DLGAP2: variants seen among roughly 807,000 people sequenced by gnomAD.
The protein encoded by DLGAP2 is DLG associated protein 2.
DLGAP2 carries 26 observed loss-of-function variants against 100.3 expected under a neutral mutation model. The ratio of observed to expected loss-of-function variants is 0.26; its 90% CI spans 0.19 to 0.36. DLGAP2 has a LOEUF of 0.36. DLGAP2 is among the 10% of genes least tolerant of loss of function. The pLI is 1.00. For synonymous variants in DLGAP2, 886 were observed against 630.1 expected, an observed-to-expected ratio of 1.41 and a Z score of -6.08; for missense variants, 1,858 against 1,453.2, an observed-to-expected ratio of 1.28 and a Z score of -4.53.
chr8:1,318,778 GCC>G (rs34614425), intron 3 of DLGAP2, among the ~76,000 whole-genome samples: 7 of 105,616 alleles, frequency 6.6e-5, no homozygotes, highest in South Asian at 6.4e-4. Flanking sequence ...TCAGTGATCA[GCC>G]CCCCCCCCGC....
intron 6 of DLGAP2, among the ~76,000 whole-genome samples, chr8:1,567,314 A>G (rs1425994985): frequency 3.3e-5 from 5 of 152,232 alleles, no homozygotes; most frequent in Non-Finnish European, 4.4e-5. Context: ...TCTGGGGAAA[A>G]GCACACACAT....
intron 6 of DLGAP2, among the ~76,000 whole-genome samples, chr8:1,601,982 T>G (rs1354154378): frequency 1.8e-5 from 1 of 57,002 alleles, no homozygotes; most frequent in Admixed American, 1.7e-4. Context: ...GTGTGTGTGA[T>G]CAGCCCGTGC....
intron 3 of DLGAP2, among the ~76,000 whole-genome samples, chr8:1,444,722 GTAGTAGGCA>G (rs1797933766): frequency 6.8e-6 from 1 of 147,172 alleles, no homozygotes; most frequent in South Asian, 2.2e-4. Context: ...GCTTACTCCT[GTAGTAGGCA>G]TAGTAGGCAT....
chr8:1,232,330 C>T (rs1046337148), intron 2 of DLGAP2, among the ~76,000 whole-genome samples: 1 of 152,220 alleles, frequency 6.6e-6, no homozygotes, highest in African/African-American at 2.4e-5. Context: ...TCCTCTGGCC[C>T]CACAGGCTGT....
intron 3 of DLGAP2, among the ~76,000 whole-genome samples, chr8:1,488,655 C>T (rs1420882617): frequency 6.6e-6 from 1 of 152,176 alleles, no homozygotes; most frequent in African/African-American, 2.4e-5. Flanking sequence ...ATTGAGGATG[C>T]AGGTTCTCAT....
At chr8:836,354 G>A (rs1004171083) in intron 1 of DLGAP2, among the ~76,000 whole-genome samples, 2 of 152,158 alleles carry the variant, frequency 1.3e-5, no homozygotes, top group East Asian at 1.9e-4. Flanking sequence ...CCTGCCTTGC[G>A]GGCGTCCGTG....
intron 14 of DLGAP2, among the ~76,000 whole-genome samples, chr8:1,699,850 A>G (rs1799518353): frequency 6.6e-6 from 1 of 152,222 alleles, no homozygotes; most frequent in African/African-American, 2.4e-5. Flanking sequence ...GAACCCCCAC[A>G]GGAAATACTG....
chr8:1,339,271 G>A (rs919229863), intron 3 of DLGAP2, among the ~76,000 whole-genome samples: 3 of 149,786 alleles, frequency 2.0e-5, no homozygotes, highest in Non-Finnish European at 3.0e-5. Flanking sequence ...GTCAGGACCC[G>A]GGAGGGAATG....
intron 12 of DLGAP2, among the ~76,000 whole-genome samples, chr8:1,687,088 A>C (rs546309975): frequency 6.6e-6 from 1 of 152,320 alleles, no homozygotes; most frequent in East Asian, 1.9e-4. Context: ...TCTGGGAGCC[A>C]TAGCTTAGGC....
At chr8:1,589,108 G>T (rs557781410) in intron 6 of DLGAP2, among the ~76,000 whole-genome samples, 1 of 152,148 alleles carries the variant, frequency 6.6e-6, no homozygotes, top group Non-Finnish European at 1.5e-5. Flanking sequence ...CCCAATGGTG[G>T]TTATCTCTGG....
intron 1 of DLGAP2, chr8:883,291 T>A (rs1797848683): frequency 6.6e-6 from 1 of 152,284 alleles, no homozygotes; most frequent in Non-Finnish European, 1.5e-5. Context: ...ACAGTCTCGC[T>A]GTGGGTGAGT....
chr8:1,520,984 T>A (rs1017749229), intron 4 of DLGAP2, among the ~76,000 whole-genome samples: 1 of 152,160 alleles, frequency 6.6e-6, no homozygotes, highest in African/African-American at 2.4e-5. Flanking sequence ...AATGAAAGAG[T>A]TCCTGAGGCT....
chr8:1,004,504 A>G (rs1250403605), intron 2 of DLGAP2, among the ~76,000 whole-genome samples: 1 of 152,180 alleles, frequency 6.6e-6, no homozygotes. Context: ...GGCCACAATC[A>G]GGGTTGGAAG....
chr8:1,699,154 T>C (rs1799498675), intron 14 of DLGAP2, among the ~76,000 whole-genome samples: 1 of 152,240 alleles, frequency 6.6e-6, no homozygotes, highest in Non-Finnish European at 1.5e-5. Context: ...CTCCATTCTT[T>C]GGTCATTGAG....
intron 3 of DLGAP2, among the ~76,000 whole-genome samples, chr8:1,355,474 C>T (rs141388648): frequency 6.6e-6 from 1 of 152,034 alleles, no homozygotes. Flanking sequence ...AAGCGATTCT[C>T]CTGCCTCAAC....
chr8:1,235,695 G>C (rs1798638246), intron 2 of DLGAP2, among the ~76,000 whole-genome samples: 1 of 27,904 alleles, frequency 3.6e-5, no homozygotes, highest in Non-Finnish European at 6.6e-5. Context: ...GCCATGTCTA[G>C]TTCTCTCACA....
At chr8:1,314,104 G>A (rs1800673681) in intron 3 of DLGAP2, among the ~76,000 whole-genome samples, 1 of 152,174 alleles carries the variant, frequency 6.6e-6, no homozygotes, top group Non-Finnish European at 1.5e-5. Context: ...TTAGATATGT[G>A]AAATATTGGT....
intron 3 of DLGAP2, among the ~76,000 whole-genome samples, chr8:1,409,547 C>T (rs1796671043): frequency 6.6e-6 from 1 of 152,230 alleles, no homozygotes; most frequent in African/African-American, 2.4e-5. Context: ...GCTTCCCAGC[C>T]TGTCACCGTG....
At position 867,136 on chromosome 8, in the gene DLGAP2, A is replaced by C. The variant is rs7018063; in HGVS notation, c.19-40776A>C. Among the ~76,000 whole-genome samples, 558 of 152,344 alleles carry C rather than the reference A, an allele frequency of 3.7e-3. 2 individuals are homozygous for C. The highest frequency in any genetic ancestry group is 0.013 in the African/African-American group (532 of 41,580). ...GTCACCGTGGGCAAAGTGACCACAG[A>C]CTTCTCAGTTCAGACACGGAGTTCG... On this transcript the variant is annotated intron_variant, in intron 1 of 14. Coordinates refer to ENST00000637795, the MANE Select transcript of DLGAP2 (RefSeq NM_001346810.2).
Sources: gnomAD v4.1 joint callset for allele counts (sites outside exome capture counted in the v4.1 genomes callset) on GRCh38, gnomAD v4.1.1 for gene constraint, MANE v1.5 for transcripts, NCBI Gene and HGNC (gene_info 2026-07-23, HGNC 2026-07-21) for gene names.